Variants in PIP4K2A observed in about 807,000 individuals in gnomAD.
PIP4K2A encodes phosphatidylinositol-5-phosphate 4-kinase type 2 alpha, also known as phosphatidylinositol 5-phosphate 4-kinase type-2 alpha.
A neutral mutation model predicts 42.9 loss-of-function variants in PIP4K2A; 14 were observed. The observed-to-expected ratio is 0.33, with a 90% confidence interval of 0.22 to 0.51. The LOEUF (loss-of-function observed/expected upper bound fraction) is 0.51, where lower values mean the gene tolerates loss of function less well. Among genes scored for constraint, PIP4K2A ranks in the 20% least tolerant of loss-of-function variants. PIP4K2A has a pLI of 0.97. For synonymous variants in PIP4K2A, 192 were observed against 192.2 expected, an observed-to-expected ratio of 1.00 and a Z score of 0.01; for missense variants, 434 against 519.8, an observed-to-expected ratio of 0.83 and a Z score of 1.61.
At chr10:22,592,527 T>A (rs1233091634) in intron 3 of PIP4K2A, among the ~76,000 whole-genome samples, 1 of 152,144 alleles carries the variant, frequency 6.6e-6, no homozygotes, top group Non-Finnish European at 1.5e-5. Context: ...CTACCACCAT[T>A]TTTGAGAACT....
At chr10:22,656,437 A>C (rs1839102979) in intron 1 of PIP4K2A, among the ~76,000 whole-genome samples, 1 of 152,208 alleles carries the variant, frequency 6.6e-6, no homozygotes, top group African/African-American at 2.4e-5. Context: ...TTCCACTGTT[A>C]AGGGAAGAGA....
intron 1 of PIP4K2A, among the ~76,000 whole-genome samples, chr10:22,696,603 T>C (rs548226102): frequency 6.6e-6 from 1 of 152,282 alleles, no homozygotes; most frequent in Non-Finnish European, 1.5e-5. Flanking sequence ...TTTCTTAAAA[T>C]AGGGCATAAA....
chr10:22,704,187 G>C (rs770347459), intron 1 of PIP4K2A, among the ~76,000 whole-genome samples: 5 of 152,164 alleles, frequency 3.3e-5, no homozygotes, highest in Non-Finnish European at 5.9e-5. Context: ...TGTAATTGTA[G>C]AAGATGATCC....
intron 1 of PIP4K2A, among the ~76,000 whole-genome samples, chr10:22,662,425 GA>G (rs1255473971): frequency 6.6e-6 from 1 of 152,224 alleles, no homozygotes; most frequent in East Asian, 1.9e-4. Flanking sequence ...GAAGATTTCT[GA>G]AATGTTGTGC....
intron 1 of PIP4K2A, among the ~76,000 whole-genome samples, chr10:22,622,816 A>C (rs1838360148): frequency 6.6e-6 from 1 of 152,234 alleles, no homozygotes; most frequent in African/African-American, 2.4e-5. Flanking sequence ...AACATCATGC[A>C]ATACTAAATC....
intron 6 of PIP4K2A, among the ~76,000 whole-genome samples, chr10:22,559,196 G>C (rs1275934133): frequency 6.6e-6 from 1 of 152,196 alleles, no homozygotes; most frequent in East Asian, 1.9e-4. Flanking sequence ...CCATGTTAAA[G>C]ATCATTATTT....
At chr10:22,617,789 G>A (rs1384787964) in intron 1 of PIP4K2A, among the ~76,000 whole-genome samples, 2 of 152,106 alleles carry the variant, frequency 1.3e-5, no homozygotes, top group Non-Finnish European at 2.9e-5. Context: ...TCGAGAGTGG[G>A]TTGGGAATTA....
At chr10:22,664,158 T>TATATATAC (rs1839290146) in intron 1 of PIP4K2A, among the ~76,000 whole-genome samples, 3 of 68,018 alleles carry the variant, frequency 4.4e-5, no homozygotes, top group Non-Finnish European at 5.1e-5. Flanking sequence ...TATACACATA[T>TATATATAC]ATATATATAC....
At chr10:22,571,219 T>A (rs2130792851) in intron 5 of PIP4K2A, among the ~76,000 whole-genome samples, 1 of 152,324 alleles carries the variant, frequency 6.6e-6, no homozygotes, top group East Asian at 1.9e-4. Flanking sequence ...CAGTCTATGT[T>A]TATTTAGATC....
chr10:22,639,150 G>T (rs986144599), intron 1 of PIP4K2A, among the ~76,000 whole-genome samples: 1 of 151,984 alleles, frequency 6.6e-6, no homozygotes, highest in African/African-American at 2.4e-5. Flanking sequence ...CCAAATCAAA[G>T]ACATCAGAAA....
chr10:22,664,105 A>ATGTATATATACATATATATATACG (rs1564459942), intron 1 of PIP4K2A, among the ~76,000 whole-genome samples: 9 of 62,818 alleles, frequency 1.4e-4, no homozygotes, highest in Non-Finnish European at 1.8e-4. Flanking sequence ...ATATATATAC[A>ATGTATATATACATATATATATACG]TATATATATA....
intron 6 of PIP4K2A, among the ~76,000 whole-genome samples, chr10:22,561,573 T>G (rs1451591883): frequency 7.0e-6 from 1 of 142,060 alleles, no homozygotes; most frequent in Admixed American, 7.0e-5. Context: ...CAGTTTTTTT[T>G]TTTTTTTTTT....
intron 3 of PIP4K2A, among the ~76,000 whole-genome samples, chr10:22,595,810 C>A (rs1332355681): frequency 6.6e-6 from 1 of 152,170 alleles, no homozygotes; most frequent in East Asian, 1.9e-4. Context: ...CATTTAGTCT[C>A]TTTGAGCCTT....
intron 5 of PIP4K2A, among the ~76,000 whole-genome samples, chr10:22,572,485 G>A (rs1266047158): frequency 6.6e-6 from 1 of 152,128 alleles, no homozygotes; most frequent in South Asian, 2.1e-4. Flanking sequence ...GAGCATGGTG[G>A]TGCGTGCCTG....
intron 4 of PIP4K2A, among the ~76,000 whole-genome samples, chr10:22,579,776 G>A (rs1228642167): frequency 6.7e-6 from 1 of 149,356 alleles, no homozygotes; most frequent in Non-Finnish European, 1.5e-5. Context: ...GGGCATGGTG[G>A]CAGGTGCCTG....
intron 7 of PIP4K2A, among the ~76,000 whole-genome samples, chr10:22,549,481 A>T (rs1376876538): frequency 6.6e-6 from 1 of 152,148 alleles, no homozygotes; most frequent in Non-Finnish European, 1.5e-5. Flanking sequence ...AGAAAAGCTG[A>T]GTTTAGTAGC....
In PIP4K2A at chr10:22,540,031, G is replaced by A. The variant is rs1166326410; in HGVS notation, c.1080C>T (p.Ile360=). Residue 360 remains isoleucine, a synonymous_variant, in exon 9 of 10, where the codon ATC becomes ATT. Transcript: ENST00000376573. The part of the protein sequence containing the change: ...KEVYFMAIID[I]LTHYDAKKKA... ...TCTTTTTTGCATCATAATGAGTAAG[G>A]ATGTCAATAATTGCCATGAAGTACA... 1 of 1,612,600 alleles carries A rather than the reference G, an allele frequency of 6.2e-7. No homozygotes were observed. The highest frequency in any genetic ancestry group is 1.7e-4 in the Middle Eastern group (1 of 6,058).
chr10:22,590,235 T>G (rs1792556883), intron 4 of PIP4K2A, among the ~76,000 whole-genome samples: 2 of 152,142 alleles, frequency 1.3e-5, no homozygotes, highest in South Asian at 4.1e-4. Context: ...CAGTCTACGG[T>G]TTTTTATGAC....
chr10:22,701,490 G>A (rs1833714915), intron 1 of PIP4K2A, among the ~76,000 whole-genome samples: 1 of 152,110 alleles, frequency 6.6e-6, no homozygotes, highest in Admixed American at 6.5e-5. Flanking sequence ...CATCACCTCT[G>A]GAAGACAGAA....
Sources: gnomAD v4.1 joint callset for allele counts (sites outside exome capture counted in the v4.1 genomes callset) on GRCh38, gnomAD v4.1.1 for gene constraint, MANE v1.5 for transcripts, NCBI Gene and HGNC (gene_info 2026-07-23, HGNC 2026-07-21) for gene names.